TANGO6: variants seen among roughly 807,000 people sequenced by gnomAD.
TANGO6 encodes the protein transport and Golgi organization protein 6 homolog.
Under a neutral mutation model 114.2 loss-of-function variants are expected in TANGO6, and 90 were observed. That is an observed-to-expected ratio of 0.79 (90% CI 0.66 to 0.94). The LOEUF (loss-of-function observed/expected upper bound fraction) is 0.94. TANGO6 is among the 40% of genes least tolerant of loss of function. The pLI is 0.00. For synonymous variants in TANGO6, 477 were observed against 509.8 expected, an observed-to-expected ratio of 0.94 and a Z score of 0.87; for missense variants, 1,274 against 1,315.3, an observed-to-expected ratio of 0.97 and a Z score of 0.49.
At chr16:68,891,453 C>T (rs1236317498) in intron 7 of TANGO6, among the ~76,000 whole-genome samples, 1 of 152,072 alleles carries the variant, frequency 6.6e-6, no homozygotes, top group African/African-American at 2.4e-5. Context: ...GAGCAAGGCT[C>T]CCTCTCAAGA....
chr16:68,922,005 G>A (rs758668351), intron 12 of TANGO6, among the ~76,000 whole-genome samples: 3 of 151,976 alleles, frequency 2.0e-5, no homozygotes, highest in Non-Finnish European at 2.9e-5. Flanking sequence ...AAAATGTCAT[G>A]GTTCTGAATT....
chr16:68,935,964 T>G (rs1963295415), intron 14 of TANGO6, among the ~76,000 whole-genome samples: 1 of 152,166 alleles, frequency 6.6e-6, no homozygotes, highest in Non-Finnish European at 1.5e-5. Context: ...GAGGATTGCT[T>G]GAGCCCAAGA....
chr16:68,920,873 G>A (rs1336130864), intron 12 of TANGO6, among the ~76,000 whole-genome samples: 1 of 151,820 alleles, frequency 6.6e-6, no homozygotes, highest in Non-Finnish European at 1.5e-5. Flanking sequence ...TCAAGGTTTG[G>A]GAGGCCGAGG....
chr16:68,902,585 C>T (rs1424227915), intron 9 of TANGO6, 81 bp downstream of exon 9: 50 of 1,295,784 alleles, frequency 3.9e-5, no homozygotes, highest in Non-Finnish European at 4.7e-5. Context: ...CACTAAGGGG[C>T]GCTGATAGAA....
chr16:68,867,087 A>T lies in TANGO6; in HGVS notation c.861A>T (p.Thr287=). 1 of 1,610,834 alleles carries T rather than the reference A, an allele frequency of 6.2e-7. No homozygotes were observed. ...CTTCTTCTTTTTCTCAGTCCTGCAC[A>T]GATGTGAAGACACAGATGAGGTGTC... The part of the protein sequence containing the change: ...ILQGGPPQSC[T]DVKTQMRCRA... The change falls in exon 4 of 18, where the codon ACA becomes ACT. Residue 287 remains threonine (T), a synonymous_variant. Coordinates refer to ENST00000261778, the MANE Select transcript of TANGO6 (RefSeq NM_024562.2).
intron 1 of TANGO6, 24 bp downstream of exon 1, chr16:68,843,735 G>C: frequency 6.2e-7 from 1 of 1,611,858 alleles, no homozygotes; most frequent in Non-Finnish European, 8.5e-7. Context: ...TCTCCGCGCC[G>C]GGCTGGACCC....
chr16:69,077,059 G>A (rs1057293002), intron 17 of TANGO6, among the ~76,000 whole-genome samples: 4 of 140,754 alleles, frequency 2.8e-5, no homozygotes, highest in Non-Finnish European at 1.5e-5. Flanking sequence ...TTTTTTTTTT[G>A]GAGACAGGGT....
chr16:68,970,741 A>C (rs1963694817), intron 14 of TANGO6, among the ~76,000 whole-genome samples: 1 of 152,188 alleles, frequency 6.6e-6, no homozygotes, highest in African/African-American at 2.4e-5. Flanking sequence ...GAAAAGCTAG[A>C]AATAGATCAA....
At chr16:69,051,498 C>T (rs1959947607) in intron 17 of TANGO6, among the ~76,000 whole-genome samples, 2 of 152,138 alleles carry the variant, frequency 1.3e-5, no homozygotes, top group South Asian at 2.1e-4. Context: ...ACATGGCCAA[C>T]ATGGTGAAAC....
chr16:68,971,920 A>G (rs1325305305), intron 14 of TANGO6, among the ~76,000 whole-genome samples: 2 of 152,190 alleles, frequency 1.3e-5, no homozygotes, highest in African/African-American at 4.8e-5. Flanking sequence ...CGCGTGAGCC[A>G]CTGCGCCCAG....
chr16:68,872,544 C>T (rs972672293), intron 4 of TANGO6, among the ~76,000 whole-genome samples: 4 of 151,828 alleles, frequency 2.6e-5, no homozygotes, highest in African/African-American at 7.3e-5. Flanking sequence ...TCAGGTGATC[C>T]GCCCGCCTTG....
intron 16 of TANGO6, among the ~76,000 whole-genome samples, chr16:69,039,853 T>G (rs1381331933): frequency 1.3e-5 from 2 of 152,170 alleles, no homozygotes; most frequent in Non-Finnish European, 2.9e-5. Flanking sequence ...AATGGTACAT[T>G]CACATTCATG....
At chr16:68,905,858 T>G (rs1247646674) in intron 9 of TANGO6, among the ~76,000 whole-genome samples, 2 of 151,168 alleles carry the variant, frequency 1.3e-5, no homozygotes, top group Non-Finnish European at 2.9e-5. Flanking sequence ...AGGCAATGAG[T>G]GAGACCCTGT....
At chr16:68,875,859 G>A in intron 5 of TANGO6, among the ~76,000 whole-genome samples, 1 of 151,628 alleles carries the variant, frequency 6.6e-6, no homozygotes. Flanking sequence ...GTTTCATCTT[G>A]TTCGTTATCT....
intron 8 of TANGO6, 47 bp from the exon 9 acceptor site, chr16:68,902,281 G>A: frequency 6.5e-7 from 1 of 1,538,448 alleles, no homozygotes. Context: ...CTTGTTAGAT[G>A]CATGGAGTAA....
chr16:68,989,062 C>T (rs1380898896), intron 15 of TANGO6, among the ~76,000 whole-genome samples: 3 of 152,104 alleles, frequency 2.0e-5, no homozygotes, highest in Non-Finnish European at 4.4e-5. Context: ...TGGGTTTTCA[C>T]CATGTTGCCC....
At chr16:68,934,712 A>G (rs1460130980) in intron 14 of TANGO6, among the ~76,000 whole-genome samples, 4 of 152,172 alleles carry the variant, frequency 2.6e-5, no homozygotes, top group African/African-American at 9.7e-5. Flanking sequence ...ACTTTCCCCA[A>G]GAAACTGTAC....
At chr16:68,924,523 C>A (rs1209433619) in intron 12 of TANGO6, among the ~76,000 whole-genome samples, 1 of 151,598 alleles carries the variant, frequency 6.6e-6, no homozygotes, top group Non-Finnish European at 1.5e-5. Context: ...CACGGTGGCT[C>A]ATGCCTGTAA....
chr16:69,006,414 T>C (rs2152222709), intron 15 of TANGO6, among the ~76,000 whole-genome samples: 1 of 152,322 alleles, frequency 6.6e-6, no homozygotes, highest in East Asian at 1.9e-4. Context: ...CAGTCCTCGT[T>C]CTGACCCTTT....
Sources: allele counts gnomAD v4.1 joint callset (sites outside exome capture counted in the v4.1 genomes callset), GRCh38; gene constraint gnomAD v4.1.1; transcripts MANE v1.5; gene names NCBI Gene and HGNC (gene_info 2026-07-23, HGNC 2026-07-21).